Variants in QTMAN observed in about 807,000 individuals in gnomAD.
QTMAN encodes tRNA-queuosine alpha-mannosyltransferase.
At chr2:144,041,441 C>A in the QTMAN span, among the ~76,000 whole-genome samples, 6 of 152,126 alleles carry the variant, frequency 3.9e-5, no homozygotes, top group African/African-American at 1.4e-4. Flanking sequence ...CTGTCACATA[C>A]CAGTACCTGT....
the QTMAN span, among the ~76,000 whole-genome samples, chr2:144,167,124 C>T: frequency 1.3e-4 from 20 of 152,266 alleles, no homozygotes; most frequent in East Asian, 3.3e-3. Flanking sequence ...ATTCCCTTTT[C>T]CATGCAAAAT....
the QTMAN span, among the ~76,000 whole-genome samples, chr2:144,021,913 A>G: frequency 3.3e-5 from 5 of 152,186 alleles, no homozygotes; most frequent in African/African-American, 1.2e-4. Context: ...TAACACAATC[A>G]TTTCCAAAGG....
the QTMAN span, among the ~76,000 whole-genome samples, chr2:144,186,608 GA>G: frequency 1.1e-4 from 17 of 152,160 alleles, no homozygotes; most frequent in Non-Finnish European, 2.1e-4. Context: ...CTTTCTAGCT[GA>G]AAAACAAAGC....
the QTMAN span, among the ~76,000 whole-genome samples, chr2:144,210,010 A>G: frequency 6.8e-6 from 1 of 146,490 alleles, no homozygotes; most frequent in Non-Finnish European, 1.5e-5. Context: ...TAAATTTTCC[A>G]ATGAGCATTT....
the QTMAN span, among the ~76,000 whole-genome samples, chr2:144,036,413 A>C: frequency 6.6e-6 from 1 of 152,182 alleles, no homozygotes; most frequent in Non-Finnish European, 1.5e-5. Flanking sequence ...TGGTTACTGA[A>C]GCTTTTGGAG....
the QTMAN span, among the ~76,000 whole-genome samples, chr2:144,038,228 T>A: frequency 2.1e-3 from 318 of 152,320 alleles, 4 homozygotes; most frequent in African/African-American, 7.3e-3. Flanking sequence ...CAAGAATGTT[T>A]TTCCTGTGTT....
chr2:144,245,638 A>C, the QTMAN span, among the ~76,000 whole-genome samples: 1 of 152,344 alleles, frequency 6.6e-6, no homozygotes, highest in African/African-American at 2.4e-5. Flanking sequence ...ATGGTATTTC[A>C]TTCAGATCAT....
chr2:143,951,502 C>T, the QTMAN span, among the ~76,000 whole-genome samples: 5 of 151,222 alleles, frequency 3.3e-5, no homozygotes, highest in African/African-American at 7.3e-5. Flanking sequence ...AAACTGGACG[C>T]GAGAAATATT....
chr2:144,078,376 A>C, the QTMAN span, among the ~76,000 whole-genome samples: 1 of 152,250 alleles, frequency 6.6e-6, no homozygotes, highest in African/African-American at 2.4e-5. Flanking sequence ...CAGAAACATA[A>C]GAAACATTCC....
chr2:144,272,980 A>T, the QTMAN span, among the ~76,000 whole-genome samples: 8 of 152,198 alleles, frequency 5.3e-5, no homozygotes, highest in African/African-American at 1.9e-4. Context: ...GACAGCAAGA[A>T]TTCTTAGTAA....
At chr2:144,042,695 C>T in the QTMAN span, among the ~76,000 whole-genome samples, 3 of 146,802 alleles carry the variant, frequency 2.0e-5, no homozygotes, top group East Asian at 2.1e-4. Flanking sequence ...ACCCGGAAGG[C>T]GGAGCTTGCA....
chr2:143,999,736 G>A, the QTMAN span, among the ~76,000 whole-genome samples: 3 of 152,204 alleles, frequency 2.0e-5, no homozygotes, highest in East Asian at 5.8e-4. Context: ...AGGATGCAAA[G>A]GCAGATGTGG....
chr2:143,985,312 G>C, the QTMAN span, among the ~76,000 whole-genome samples: 2 of 152,176 alleles, frequency 1.3e-5, no homozygotes, highest in African/African-American at 4.8e-5. Context: ...CCCACAAAAG[G>C]GTCAAGGGAA....
the QTMAN span, among the ~76,000 whole-genome samples, chr2:144,274,057 C>G: frequency 3.3e-5 from 5 of 152,140 alleles, no homozygotes; most frequent in Non-Finnish European, 7.4e-5. Flanking sequence ...TCGCTTGAAC[C>G]CGGGAGGCAG....
the QTMAN span, among the ~76,000 whole-genome samples, chr2:144,332,084 G>A: frequency 1.3e-5 from 2 of 152,202 alleles, no homozygotes; most frequent in African/African-American, 2.4e-5. Context: ...AAGAAGCGGA[G>A]CGCCGGGCCG....
chr2:144,037,222 C>G, the QTMAN span, among the ~76,000 whole-genome samples: 1 of 152,132 alleles, frequency 6.6e-6, no homozygotes, highest in Non-Finnish European at 1.5e-5. Context: ...AGAAATAGTG[C>G]TTGAACAACA....
chr2:144,283,326 T>C, the QTMAN span, among the ~76,000 whole-genome samples: 4 of 152,174 alleles, frequency 2.6e-5, no homozygotes, highest in East Asian at 1.9e-4. Flanking sequence ...GGATAACCAG[T>C]TGGTGTCAGA....
chr2:144,065,276 G>A, the QTMAN span, among the ~76,000 whole-genome samples: 1 of 152,232 alleles, frequency 6.6e-6, no homozygotes, highest in East Asian at 1.9e-4. Context: ...GAGGTCTAAT[G>A]AGAAAAACAT....
the QTMAN span, among the ~76,000 whole-genome samples, chr2:144,024,600 C>T: frequency 6.6e-6 from 1 of 152,126 alleles, no homozygotes; most frequent in African/African-American, 2.4e-5. Flanking sequence ...CTCTTCATTC[C>T]TGATCTACAA....
Sources: allele counts gnomAD v4.1 joint callset (sites outside exome capture counted in the v4.1 genomes callset), GRCh38; gene constraint gnomAD v4.1.1; transcripts MANE v1.5; gene names NCBI Gene and HGNC (gene_info 2026-07-23, HGNC 2026-07-21).